Variants in CALB2 observed in about 807,000 individuals in gnomAD.
CALB2 encodes calretinin.
Under a neutral mutation model 45.9 loss-of-function variants are expected in CALB2, and 34 were observed. The ratio of observed to expected loss-of-function variants is 0.74; its 90% CI spans 0.56 to 0.99. CALB2 has a LOEUF of 0.99. Among genes scored for constraint, CALB2 ranks in the 50% least tolerant of loss-of-function variants. CALB2 has a pLI of 0.00. For missense variants in CALB2, 344 were observed against 339.3 expected (o/e 1.01, Z -0.11); for synonymous variants, 142 against 129.6 (o/e 1.10, Z -0.65).
chr16:71,376,455 G>A (rs115715836), intron 3 of CALB2, among the ~76,000 whole-genome samples: 2,929 of 152,240 alleles, frequency 0.019, 98 homozygotes, highest in African/African-American at 0.065. Context: ...CTGCCACAGC[G>A]CCAGGCATCA....
At chr16:71,367,300 C>T (rs180782108) in intron 1 of CALB2, among the ~76,000 whole-genome samples, 54 of 150,486 alleles carry the variant, frequency 3.6e-4, no homozygotes, top group African/African-American at 1.3e-3. Flanking sequence ...ACGTCTTTAT[C>T]GATGTCTTTA....
intron 2 of CALB2, among the ~76,000 whole-genome samples, 183 bp from the exon 3 acceptor site, chr16:71,374,562 A>G (rs1453516371): frequency 6.6e-6 from 1 of 152,130 alleles, no homozygotes; most frequent in Non-Finnish European, 1.5e-5. Flanking sequence ...TGAAGAAGAG[A>G]TGACTTAATT....
chr16:71,372,050 G>A, intron 1 of CALB2, 103 bp from the exon 2 acceptor site: 1 of 844,250 alleles, frequency 1.2e-6, no homozygotes, highest in Non-Finnish European at 2.0e-6. Context: ...CTGCCTGTTG[G>A]CCAGCTGGGA....
intron 4 of CALB2, among the ~76,000 whole-genome samples, chr16:71,382,412 GC>G (rs2042509525): frequency 6.6e-6 from 1 of 152,156 alleles, no homozygotes; most frequent in Non-Finnish European, 1.5e-5. Context: ...ATAATAAACT[GC>G]CCCTAAAACT....
At chr16:71,366,344 T>TTG (rs2042288337) in intron 1 of CALB2, among the ~76,000 whole-genome samples, 1 of 38,816 alleles carries the variant, frequency 2.6e-5, no homozygotes, top group Non-Finnish European at 4.4e-5. Flanking sequence ...TTTTTTTTTT[T>TTG]GAGAGAGAGA....
chr16:71,386,605 G>C (rs373904872), intron 10 of CALB2, among the ~76,000 whole-genome samples: 8 of 152,174 alleles, frequency 5.3e-5, no homozygotes, highest in Non-Finnish European at 1.0e-4. Flanking sequence ...CAGGTGGAAC[G>C]GCAGCCAGGA....
At chr16:71,371,765 G>A (rs559435141) in intron 1 of CALB2, among the ~76,000 whole-genome samples, 3 of 152,156 alleles carry the variant, frequency 2.0e-5, no homozygotes, top group East Asian at 1.9e-4. Context: ...ACTCCAACCC[G>A]CTACACCTTC....
At chr16:71,387,377 C>T (rs1359097509) in intron 10 of CALB2, among the ~76,000 whole-genome samples, 2 of 152,034 alleles carry the variant, frequency 1.3e-5, no homozygotes, top group Non-Finnish European at 2.9e-5. Context: ...TCAGATTTGG[C>T]GCCTGAGGAT....
At chr16:71,371,877 G>T (rs1258220314) in intron 1 of CALB2, among the ~76,000 whole-genome samples, 2 of 152,206 alleles carry the variant, frequency 1.3e-5, no homozygotes, top group Non-Finnish European at 2.9e-5. Context: ...ATTAAGGACA[G>T]ATTCGGAAGC....
chr16:71,367,276 T>C (rs1250067639), intron 1 of CALB2, among the ~76,000 whole-genome samples: 1 of 152,228 alleles, frequency 6.6e-6, no homozygotes, highest in Non-Finnish European at 1.5e-5. Context: ...GAAGTGATGG[T>C]TGCCATGGTA....
At chr16:71,372,277 C>T (rs1036596533) in intron 2 of CALB2, 48 bp downstream of exon 2, 25 of 1,369,928 alleles carry the variant, frequency 1.8e-5, no homozygotes, top group Non-Finnish European at 2.4e-5. Flanking sequence ...CTGACCTATG[C>T]CTTTGAGCAT....
rs1171021532 is a variant in CALB2, at chr16:71,366,024, C to CTTTTTTT, written c.95-6115_95-6109dup. On this transcript the variant is annotated intron_variant, in intron 1 of 10. Transcript: ENST00000302628. The stretch of plus-strand genomic sequence containing the variant: ...TCTTTGTTTTCTTCCCTCTCTCTCT[C>CTTTTTTT]TTTTTTTTTTTTTTTTTTTTGAGAT... Among the ~76,000 whole-genome samples the CTTTTTTT allele has an allele frequency of 1.8e-3, 80 of 45,054 alleles. 3 individuals carry two copies. Among genetic ancestry groups the CTTTTTTT allele is most frequent in the African/African-American group, 7.2e-3 (75 of 10,414 alleles). 29.6% of individuals were successfully genotyped at this position (45,054 alleles called of 152,430 possible).
Position 71,358,727 on chromosome 16 carries a change from C to T in CALB2, c.-66C>T, listed in dbSNP as rs906498789. 1.6e-6 allele frequency: 2 copies of T among 1,286,798 alleles called. No individual in the cohort carries two copies. The highest frequency in any genetic ancestry group is 1.1e-6 in the Non-Finnish European group (1 of 913,836). The allele number at this position is 1,286,798 out of a possible 1,614,324, so 79.7% of individuals were successfully genotyped here. ...GGCAGCGTGGCGCACAACCCCAGCG[C>T]GAGTGCCAGAGCCCAGCCGGCGCGG... On this transcript the variant is annotated 5_prime_UTR_variant, in exon 1 of 11. Transcript: ENST00000302628.
At chr16:71,385,934 A>T (rs1195041237) in intron 10 of CALB2, among the ~76,000 whole-genome samples, 3 of 152,184 alleles carry the variant, frequency 2.0e-5, no homozygotes, top group Admixed American at 6.5e-5. Context: ...ACATATTCAT[A>T]ATATTGCACA....
At position 71,383,412 on chromosome 16, in the gene CALB2, G is replaced by C. The variant is rs1186726866; in HGVS notation, c.445G>C (p.Glu149Gln). The C allele has an allele frequency of 6.2e-7, 1 of 1,614,142 alleles. No homozygotes were observed. The change falls in exon 6 of 11, where the codon GAG becomes CAG. Residue 149 changes from glutamate to glutamine, a missense_variant. Glu to Gln is a conservative substitution (Grantham distance 29, BLOSUM62 2). This residue lies in a region of CALB2 where 263 missense variants were observed against 241.7 expected (regional missense o/e 1.09). Coordinates refer to ENST00000302628, the MANE Select transcript of CALB2 (RefSeq NM_001740.5). ...LLKKANRPYD[E>Q]PKLQEYTQTI... ...GAAGAAGGCGAACCGGCCGTACGAT[G>C]AGCCCAAGCTCCAGGAATACACCCA... is the stretch of plus-strand genomic sequence containing the variant.
intron 1 of CALB2, 55 bp from the exon 2 acceptor site, chr16:71,372,098 C>T (rs1009209060): frequency 8.0e-6 from 10 of 1,256,696 alleles, no homozygotes; most frequent in East Asian, 7.2e-5. Context: ...ATGCCCACCC[C>T]GTGCCCCCCT....
At chr16:71,374,885 CTGTGCCT>C in intron 3 of CALB2, 51 bp downstream of exon 3, 5 of 1,271,124 alleles carry the variant, frequency 3.9e-6, no homozygotes, top group Non-Finnish European at 4.6e-6. Context: ...CCCTGGGTCC[CTGTGCCT>C]CTCCCAGGCA....
At chr16:71,383,659 G>C (rs1049945990) in intron 6 of CALB2, among the ~76,000 whole-genome samples, 2 of 152,188 alleles carry the variant, frequency 1.3e-5, no homozygotes, top group Non-Finnish European at 2.9e-5. Flanking sequence ...GTGATTGTCT[G>C]TCTCCATGGC....
chr16:71,384,882 G>A (rs1278735169), intron 9 of CALB2, 46 bp downstream of exon 9: 5 of 1,544,536 alleles, frequency 3.2e-6, no homozygotes, highest in Non-Finnish European at 4.5e-6. Context: ...AAGCCCATCA[G>A]CCCGTCCAGA....
Sources: allele counts gnomAD v4.1 joint callset (sites outside exome capture counted in the v4.1 genomes callset), GRCh38; gene constraint gnomAD v4.1.1; regional missense constraint gnomAD v4.1.1; transcripts MANE v1.5; gene names NCBI Gene and HGNC (gene_info 2026-07-23, HGNC 2026-07-21).